GRIN2B: variants seen among roughly 807,000 people sequenced by gnomAD.
GRIN2B encodes the protein glutamate ionotropic receptor NMDA type subunit 2B.
GRIN2B carries 5 observed loss-of-function variants against 114.5 expected under a neutral mutation model. That is an observed-to-expected ratio of 0.04 (90% confidence interval 0.02 to 0.09). The LOEUF (loss-of-function observed/expected upper bound fraction) is 0.09. GRIN2B is among the 10% of genes least tolerant of loss of function. The pLI is 1.00. For missense variants in GRIN2B, 1,108 were observed against 1,943.5 expected, an observed-to-expected ratio of 0.57 and a Z score of 8.08; for synonymous variants, 787 against 745.1, an observed-to-expected ratio of 1.06 and a Z score of -0.92.
At chr12:13,795,930 C>T (rs1016914532) in intron 3 of GRIN2B, among the ~76,000 whole-genome samples, 20 of 151,522 alleles carry the variant, frequency 1.3e-4, no homozygotes, top group African/African-American at 4.6e-4. Flanking sequence ...CAGGGCCTGT[C>T]GTGGGGTGAG....
At chr12:13,620,119 C>T (rs2136485977) in intron 5 of GRIN2B, among the ~76,000 whole-genome samples, 1 of 152,190 alleles carries the variant, frequency 6.6e-6, no homozygotes, top group South Asian at 2.1e-4. Context: ...TCACAGAGAC[C>T]CTCATTTTGA....
At chr12:13,625,103 C>A (rs567643023) in intron 5 of GRIN2B, among the ~76,000 whole-genome samples, 1 of 152,280 alleles carries the variant, frequency 6.6e-6, no homozygotes, top group African/African-American at 2.4e-5. Context: ...TTGTGGAGGT[C>A]TATCAATTCA....
intron 8 of GRIN2B, among the ~76,000 whole-genome samples, chr12:13,614,811 C>T (rs1327012258): frequency 6.6e-6 from 1 of 152,210 alleles, no homozygotes; most frequent in Non-Finnish European, 1.5e-5. Flanking sequence ...CCAGATACAG[C>T]AAATTTGCTC....
chr12:13,758,312 A>C (rs1044149509), intron 3 of GRIN2B, among the ~76,000 whole-genome samples: 4 of 152,090 alleles, frequency 2.6e-5, no homozygotes, highest in Admixed American at 2.0e-4. Flanking sequence ...CACTAACCTC[A>C]GGCTCAGAGT....
chr12:13,732,879 C>A (rs1863108886), intron 4 of GRIN2B, among the ~76,000 whole-genome samples: 1 of 152,220 alleles, frequency 6.6e-6, no homozygotes, highest in African/African-American at 2.4e-5. Context: ...TTAATTCACT[C>A]ATTTGACAAG....
chr12:13,578,121 T>C (rs1212445019), intron 10 of GRIN2B, among the ~76,000 whole-genome samples: 1 of 152,192 alleles, frequency 6.6e-6, no homozygotes, highest in African/African-American at 2.4e-5. Context: ...GGTATCTCCA[T>C]GTTGTAAAAG....
intron 5 of GRIN2B, 28 bp downstream of exon 5, chr12:13,675,717 C>G: frequency 7.4e-7 from 1 of 1,349,768 alleles, no homozygotes; most frequent in Non-Finnish European, 1.1e-6. Flanking sequence ...CTCTACTTTG[C>G]TCAAGAATTG....
In GRIN2B at chr12:13,882,367, G is replaced by A. The variant is rs149637139; in HGVS notation, c.-18-16141C>T. 1.8e-3 allele frequency among the ~76,000 whole-genome samples: 270 copies of A among 152,248 alleles called. 2 individuals carry two copies. Among genetic ancestry groups the A allele is most frequent in the African/African-American group, 5.4e-3 (224 of 41,542 alleles). On this transcript the variant is annotated intron_variant, in intron 2 of 13. Transcript: ENST00000609686. ...GAAGGCACCAAAGCAGGAATTCCCCGTCAATCAAGAGGAGGAAAGAGAAGC... is the reference window on the plus strand; with the variant it reads ...GAAGGCACCAAAGCAGGAATTCCCCATCAATCAAGAGGAGGAAAGAGAAGC...
intron 4 of GRIN2B, among the ~76,000 whole-genome samples, chr12:13,684,537 C>T (rs1321428120): frequency 2.6e-5 from 4 of 152,242 alleles, no homozygotes; most frequent in Non-Finnish European, 5.9e-5. Context: ...TGGTAAGGTG[C>T]TACAGGAAAG....
rs990256142 is a variant in GRIN2B, at chr12:13,559,240, T to C, written c.*3543A>G. 4.6e-5 allele frequency: 7 copies of C among 152,190 alleles called. No individual in the cohort carries two copies. Among genetic ancestry groups the C allele is most frequent in the Non-Finnish European group, 7.4e-5 (5 of 68,020 alleles). 9.4% of individuals were successfully genotyped at this position (152,190 alleles called of 1,614,324 possible). On this transcript the variant is annotated 3_prime_UTR_variant, in exon 14 of 14. Coordinates refer to ENST00000609686, the MANE Select transcript of GRIN2B (RefSeq NM_000834.5). ...ATGAGTAACTTAGTCCCAGTGCAAA[T>C]ATCCAGTTGAAGAAAAGCAACCAAC...
chr12:13,976,660 C>A (rs1470579773), intron 2 of GRIN2B, among the ~76,000 whole-genome samples: 1 of 152,124 alleles, frequency 6.6e-6, no homozygotes, highest in Non-Finnish European at 1.5e-5. Flanking sequence ...TTTCACCTGT[C>A]TCCTTTTATA....
intron 3 of GRIN2B, among the ~76,000 whole-genome samples, chr12:13,809,454 G>C (rs1160129530): frequency 6.6e-6 from 1 of 152,102 alleles, no homozygotes; most frequent in Non-Finnish European, 1.5e-5. Context: ...ACTTTTAAGA[G>C]GATTAAAAGA....
At chr12:13,642,906 G>A (rs1366672700) in intron 5 of GRIN2B, among the ~76,000 whole-genome samples, 2 of 152,116 alleles carry the variant, frequency 1.3e-5, no homozygotes, top group Non-Finnish European at 2.9e-5. Context: ...GTAGAGTTCT[G>A]AAATCTTTCC....
chr12:13,578,936 A>T (rs1271943464), intron 10 of GRIN2B, among the ~76,000 whole-genome samples: 2 of 152,112 alleles, frequency 1.3e-5, no homozygotes, highest in Non-Finnish European at 2.9e-5. Context: ...AAAGGTTCTG[A>T]CATGGGGGAA....
At chr12:13,804,985 G>A (rs976416832) in intron 3 of GRIN2B, among the ~76,000 whole-genome samples, 3 of 152,102 alleles carry the variant, frequency 2.0e-5, no homozygotes, top group East Asian at 1.9e-4. Flanking sequence ...TGTCATATTC[G>A]CAATACACAG....
At chr12:13,857,557 G>A (rs1315268352) in intron 3 of GRIN2B, among the ~76,000 whole-genome samples, 2 of 152,198 alleles carry the variant, frequency 1.3e-5, no homozygotes, top group African/African-American at 4.8e-5. Context: ...CCTAATTCTG[G>A]AGAAGACTAG....
intron 5 of GRIN2B, among the ~76,000 whole-genome samples, chr12:13,621,553 A>G (rs1949514045): frequency 6.6e-6 from 1 of 151,724 alleles, no homozygotes; most frequent in East Asian, 1.9e-4. Context: ...AACATTTAAA[A>G]AGATCTCTTG....
At chr12:13,946,124 T>A (rs1365574338) in intron 2 of GRIN2B, among the ~76,000 whole-genome samples, 1 of 152,136 alleles carries the variant, frequency 6.6e-6, no homozygotes, top group Non-Finnish European at 1.5e-5. Context: ...GTAAATTCTG[T>A]GTGTGGAGGG....
chr12:13,597,738 G>A (rs893409307), intron 10 of GRIN2B, among the ~76,000 whole-genome samples: 7 of 152,102 alleles, frequency 4.6e-5, no homozygotes, highest in South Asian at 2.1e-4. Context: ...TTCATTACTC[G>A]GTTACTTTGT....
Sources: allele counts gnomAD v4.1 joint callset (sites outside exome capture counted in the v4.1 genomes callset), GRCh38; gene constraint gnomAD v4.1.1; transcripts MANE v1.5; gene names NCBI Gene and HGNC (gene_info 2026-07-23, HGNC 2026-07-21).